The following MTHFD1L variants were observed in gnomAD, a reference collection of about 807,000 sequenced individuals.
MTHFD1L encodes methylenetetrahydrofolate dehydrogenase (NADP+ dependent) 1 like, also known as monofunctional C1-tetrahydrofolate synthase, mitochondrial.
Under a neutral mutation model 119.5 loss-of-function variants are expected in MTHFD1L, and 81 were observed. The observed-to-expected ratio is 0.68, with a 90% confidence interval of 0.57 to 0.82. The LOEUF (loss-of-function observed/expected upper bound fraction) is 0.82, where lower values mean the gene tolerates loss of function less well. MTHFD1L is among the 40% of genes least tolerant of loss of function. The pLI is 0.00. For synonymous variants in MTHFD1L, 430 were observed against 475.2 expected, an observed-to-expected ratio of 0.90 and a Z score of 1.24; for missense variants, 1,125 against 1,253.4, an observed-to-expected ratio of 0.90 and a Z score of 1.55.
chr6:150,937,195 C>G (rs1191224497), intron 12 of MTHFD1L, among the ~76,000 whole-genome samples: 1 of 152,134 alleles, frequency 6.6e-6, no homozygotes, highest in Non-Finnish European at 1.5e-5. Flanking sequence ...GCTCCCGCCT[C>G]GAGTGCGGTC....
At chr6:150,964,123 C>G (rs1467893491) in intron 18 of MTHFD1L, among the ~76,000 whole-genome samples, 1 of 152,130 alleles carries the variant, frequency 6.6e-6, no homozygotes, top group Non-Finnish European at 1.5e-5. Context: ...GAGCCTCCAG[C>G]CTGGGCAACA....
rs377505670 is a variant in MTHFD1L, at chr6:150,884,342, G to A, written c.543-1292G>A. ...CTTTTAGTAGAGACGAGGTTTCACC[G>A]TGTTAGCCAGGATGGTCTCGATCTC... On this transcript the variant is annotated intron_variant, in intron 5 of 27. Coordinates refer to ENST00000367321, the MANE Select transcript of MTHFD1L (RefSeq NM_015440.5). Among the ~76,000 whole-genome samples the A allele has an allele frequency of 7.2e-5, 11 of 151,810 alleles. No individual in the cohort carries two copies. In the East Asian group the frequency reaches 7.8e-4, roughly 11 times the overall value.
At chr6:150,929,874 T>C (rs925796474) in intron 11 of MTHFD1L, among the ~76,000 whole-genome samples, 6 of 152,160 alleles carry the variant, frequency 3.9e-5, no homozygotes, top group African/African-American at 1.4e-4. Flanking sequence ...CTTTTTTAAC[T>C]GTAGTGGAAA....
intron 20 of MTHFD1L, among the ~76,000 whole-genome samples, chr6:151,000,021 G>A (rs946175734): frequency 1.3e-5 from 2 of 152,176 alleles, no homozygotes; most frequent in Non-Finnish European, 2.9e-5. Flanking sequence ...AGGTGGAAAG[G>A]AAGAAGGGCA....
chr6:151,019,447 A>AT (rs150569860), intron 24 of MTHFD1L, among the ~76,000 whole-genome samples: 34,909 of 151,372 alleles, frequency 0.23, 4,339 homozygotes, highest in Middle Eastern at 0.31. Flanking sequence ...TGATATTTCA[A>AT]TTTTTTTTTC....
chr6:151,087,320 G>T (rs1207798888), intron 26 of MTHFD1L, among the ~76,000 whole-genome samples: 1 of 151,846 alleles, frequency 6.6e-6, no homozygotes, highest in African/African-American at 2.4e-5. Context: ...TAGTTAACTG[G>T]TATAATCTTT....
At chr6:150,974,835 C>T (rs1776320849) in intron 20 of MTHFD1L, among the ~76,000 whole-genome samples, 1 of 151,770 alleles carries the variant, frequency 6.6e-6, no homozygotes, top group African/African-American at 2.4e-5. Flanking sequence ...CTCCCAGGTT[C>T]AAGCGATCCT....
At chr6:150,960,219 A>C in intron 17 of MTHFD1L, 56 bp from the exon 18 acceptor site, 1 of 1,544,430 alleles carries the variant, frequency 6.5e-7, no homozygotes, top group South Asian at 1.2e-5. Flanking sequence ...TCCTTGTGGG[A>C]ATGGCCATCC....
rs888648501 is a variant in MTHFD1L at position 151,094,519 on chromosome 6, C to T, written c.*31+1932C>T. Among the ~76,000 whole-genome samples the T allele has an allele frequency of 5.9e-5, 9 of 152,158 alleles. No individual in the cohort carries two copies. In the East Asian group the frequency reaches 1.2e-3, roughly 20 times the overall value. ...CTGGGATTACAGGTGTGTGCCACCA[C>T]GCCCCGCTGATTTTTGTATTTTATT... is the stretch of plus-strand genomic sequence containing the variant. On this transcript the variant is annotated intron_variant, in intron 27 of 27. Transcript: ENST00000367321.
At chr6:151,093,971 C>G (rs901715022) in intron 27 of MTHFD1L, among the ~76,000 whole-genome samples, 1 of 152,184 alleles carries the variant, frequency 6.6e-6, no homozygotes, top group Non-Finnish European at 1.5e-5. Flanking sequence ...GTCCACGCCA[C>G]AGCACTGCAG....
rs763320690 is a variant in MTHFD1L, at chr6:150,882,842, C to T, written c.498C>T (p.Ser166=). The T allele has an allele frequency of 3.2e-6, 5 of 1,578,708 alleles. No individual in the cohort carries two copies. The Admixed American group carries it at 5.9e-5, about 19-fold the overall frequency. ...LALQISENLF[S]NKVLNALKPE... ...TTCAGATCTCTGAGAACTTGTTTAG[C>T]AACAAAGTCCTCAATGCCTTGAAAC... The change falls in exon 5 of 28, where the codon AGC becomes AGT. Residue 166 remains serine, a synonymous_variant. Transcript: ENST00000367321.
intron 1 of MTHFD1L, among the ~76,000 whole-genome samples, chr6:150,871,243 A>G (rs775854723): frequency 4.0e-5 from 6 of 148,544 alleles, no homozygotes; most frequent in Non-Finnish European, 5.9e-5. Flanking sequence ...GGATTTGCCT[A>G]GATGTTGATG....
At chr6:151,077,091 A>G (rs899961395) in intron 26 of MTHFD1L, among the ~76,000 whole-genome samples, 3 of 152,208 alleles carry the variant, frequency 2.0e-5, no homozygotes, top group Non-Finnish European at 4.4e-5. Context: ...GGGAATTCCA[A>G]TAAGACAGAA....
intron 7 of MTHFD1L, among the ~76,000 whole-genome samples, chr6:150,893,483 T>A (rs1783690369): frequency 6.6e-6 from 1 of 152,204 alleles, no homozygotes; most frequent in South Asian, 2.1e-4. Flanking sequence ...AAAAAGAGAA[T>A]AAGCTTAGGA....
At chr6:150,990,827 T>G (rs1352122994) in intron 20 of MTHFD1L, among the ~76,000 whole-genome samples, 2 of 152,160 alleles carry the variant, frequency 1.3e-5, no homozygotes, top group East Asian at 3.9e-4. Flanking sequence ...AACATTTGAC[T>G]AATAATTTTA....
intron 26 of MTHFD1L, among the ~76,000 whole-genome samples, chr6:151,066,995 ATTT>A (rs36035374): frequency 7.2e-6 from 1 of 138,574 alleles, no homozygotes. Context: ...TATCAATTTG[ATTT>A]TTTTTTTTTT....
At chr6:150,896,363 A>G (rs1023991873) in intron 7 of MTHFD1L, among the ~76,000 whole-genome samples, 3 of 152,182 alleles carry the variant, frequency 2.0e-5, no homozygotes, top group Non-Finnish European at 4.4e-5. Flanking sequence ...TCAGCTCTCC[A>G]GGCTCCCCTT....
At chr6:151,028,381 T>C (rs1200829907) in intron 24 of MTHFD1L, among the ~76,000 whole-genome samples, 2 of 152,156 alleles carry the variant, frequency 1.3e-5, no homozygotes, top group Non-Finnish European at 2.9e-5. Context: ...GCAGCCCTGT[T>C]GATAGCAGCA....
At chr6:150,905,281 C>G (rs1023560461) in intron 7 of MTHFD1L, among the ~76,000 whole-genome samples, 2 of 152,058 alleles carry the variant, frequency 1.3e-5, no homozygotes, top group Admixed American at 6.6e-5. Context: ...ATCCACCTGC[C>G]TCAGCCTCCC....
Sources: allele counts gnomAD v4.1 joint callset (sites outside exome capture counted in the v4.1 genomes callset), GRCh38; gene constraint gnomAD v4.1.1; transcripts MANE v1.5; gene names NCBI Gene and HGNC (gene_info 2026-07-23, HGNC 2026-07-21).